Variants in COP1 observed in about 807,000 individuals in gnomAD.
The protein encoded by COP1 is COP1 E3 ubiquitin ligase.
In COP1, 24 loss-of-function variants were observed where a neutral mutation model predicts 101.3. The observed-to-expected ratio is 0.24, with a 90% confidence interval of 0.17 to 0.33. The LOEUF is 0.33. COP1 is among the 10% of genes least tolerant of loss of function. COP1 has a pLI of 1.00. For synonymous variants in COP1, 347 were observed against 341.9 expected (o/e 1.01, Z -0.17); for missense variants, 663 against 906.2 (o/e 0.73, Z 3.45).
At chr1:176,092,381 T>C (rs1681490250) in intron 9 of COP1, among the ~76,000 whole-genome samples, 1 of 152,140 alleles carries the variant, frequency 6.6e-6, no homozygotes, top group South Asian at 2.1e-4. Flanking sequence ...ATAAAAATTA[T>C]AAATTGCATG....
intron 15 of COP1, among the ~76,000 whole-genome samples, chr1:176,012,671 T>A (rs879372978): frequency 1.3e-4 from 20 of 150,580 alleles, no homozygotes; most frequent in South Asian, 6.3e-4. Context: ...AGGTGTACCA[T>A]TTTTTTTTTA....
chr1:176,152,254 T>C (rs980343855), intron 5 of COP1, among the ~76,000 whole-genome samples: 2 of 151,326 alleles, frequency 1.3e-5, no homozygotes, highest in Non-Finnish European at 2.9e-5. Flanking sequence ...AGCGAGACCT[T>C]CTCTCTCCTA....
At chr1:176,149,124 AAGTTTT>A in intron 5 of COP1, 50 bp from the exon 6 acceptor site, 1 of 1,240,842 alleles carries the variant, frequency 8.1e-7, no homozygotes, top group East Asian at 2.6e-5. Flanking sequence ...ACTGAGTTGA[AAGTTTT>A]CTTTAACACC....
chr1:176,108,236 C>T (rs1180404654), intron 9 of COP1, among the ~76,000 whole-genome samples: 4 of 152,076 alleles, frequency 2.6e-5, no homozygotes, highest in Admixed American at 2.6e-4. Context: ...AAAGTTCATA[C>T]ATTTCTGGCT....
chr1:176,195,847 A>C (rs1166016702), intron 1 of COP1, among the ~76,000 whole-genome samples: 1 of 152,220 alleles, frequency 6.6e-6, no homozygotes, highest in Admixed American at 6.5e-5. Flanking sequence ...GTACACACAG[A>C]CACAAAGATG....
chr1:176,184,700 G>C lies in COP1; in HGVS notation c.408-8C>G. The C allele has an allele frequency of 6.3e-7, 1 of 1,590,782 alleles. No homozygotes were observed. The highest frequency in any genetic ancestry group is 8.6e-7 in the Non-Finnish European group (1 of 1,167,746). On this transcript the variant is annotated splice_region_variant and splice_polypyrimidine_tract_variant and intron_variant, in intron 1 of 19. Coordinates refer to ENST00000367669, the MANE Select transcript of COP1 (RefSeq NM_022457.7). ...ATATCAAAGCAGATGGGGCTAAAAA[G>C]AAAAGAAAAATAATTGATTTTTTTT...
intron 3 of COP1, among the ~76,000 whole-genome samples, chr1:176,169,634 T>C (rs1376291573): frequency 6.6e-6 from 1 of 152,212 alleles, no homozygotes; most frequent in East Asian, 1.9e-4. Flanking sequence ...TGCTAAAAAA[T>C]GCTAATGACC....
chr1:176,097,322 C>A (rs1041955746), intron 9 of COP1, among the ~76,000 whole-genome samples: 1 of 152,054 alleles, frequency 6.6e-6, no homozygotes, highest in African/African-American at 2.4e-5. Context: ...TCATGGAACA[C>A]CAGTAATTAA....
chr1:176,153,710 T>G (rs1692989651), intron 5 of COP1, among the ~76,000 whole-genome samples: 1 of 152,214 alleles, frequency 6.6e-6, no homozygotes, highest in African/African-American at 2.4e-5. Flanking sequence ...CATTTAATGA[T>G]GTTGGCTGTG....
At chr1:176,202,427 A>T (rs1177976725) in intron 1 of COP1, among the ~76,000 whole-genome samples, 1 of 151,918 alleles carries the variant, frequency 6.6e-6, no homozygotes, top group Non-Finnish European at 1.5e-5. Context: ...GGGTTCAAGT[A>T]ATCCTCCTGC....
At chr1:176,166,157 G>A (rs910725372) in intron 3 of COP1, among the ~76,000 whole-genome samples, 4 of 152,006 alleles carry the variant, frequency 2.6e-5, no homozygotes, top group Non-Finnish European at 4.4e-5. Context: ...GACAGGGTGT[G>A]ACTCTGTCAC....
At chr1:176,189,719 G>A (rs1030051843) in intron 1 of COP1, among the ~76,000 whole-genome samples, 1 of 150,098 alleles carries the variant, frequency 6.7e-6, no homozygotes, top group African/African-American at 2.4e-5. Flanking sequence ...TAAAAAATGA[G>A]AAACAAAGGT....
chr1:175,986,663 T>C (rs1167156463), intron 18 of COP1, among the ~76,000 whole-genome samples: 1 of 152,130 alleles, frequency 6.6e-6, no homozygotes. Context: ...TTTCCAGTCT[T>C]ATAGAAGAGA....
rs1032700670 is a variant in COP1 at position 175,998,315 on chromosome 1, G to T, written c.1730-8836C>A. 8.6e-4 allele frequency among the ~76,000 whole-genome samples: 130 copies of T among 151,182 alleles called. 2 individuals are homozygous for T. The highest frequency in any genetic ancestry group is 2.7e-3 in the African/African-American group (110 of 41,242). On this transcript the variant is annotated intron_variant, in intron 15 of 19. Transcript: ENST00000367669. ...ATCACACTCTGGGGACTGTTGTGGG[G>T]TGGGGGGAGAGGGGAGGGATAGCTT...
chr1:176,191,404 A>G, intron 1 of COP1, among the ~76,000 whole-genome samples: 1 of 152,026 alleles, frequency 6.6e-6, no homozygotes, highest in Non-Finnish European at 1.5e-5. Flanking sequence ...AGAATGAAAG[A>G]CGCCCAGCAA....
chr1:176,163,038 T>C (rs761488996), intron 4 of COP1, 50 bp from the exon 5 acceptor site: 3 of 1,552,184 alleles, frequency 1.9e-6, no homozygotes, highest in Non-Finnish European at 1.7e-6. Context: ...AAGACTGTTT[T>C]AGAGACTAAA....
intron 16 of COP1, chr1:175,988,683 A>C: frequency 7.8e-6 from 2 of 257,540 alleles, no homozygotes; most frequent in East Asian, 7.4e-5. Flanking sequence ...AAATACAAAA[A>C]TTAGTCGGGC....
intron 18 of COP1, among the ~76,000 whole-genome samples, chr1:175,953,814 A>C (rs1650269440): frequency 6.6e-6 from 1 of 151,980 alleles, no homozygotes; most frequent in Non-Finnish European, 1.5e-5. Flanking sequence ...ACAAAGCCAA[A>C]ACTGACAAAA....
At chr1:176,058,061 G>GCCACC (rs1673988288) in intron 11 of COP1, among the ~76,000 whole-genome samples, 6 of 134,098 alleles carry the variant, frequency 4.5e-5, no homozygotes, top group Non-Finnish European at 8.2e-5. Context: ...CCGCCCGGCA[G>GCCACC]CCGCCCCGGC....
Sources: gnomAD v4.1 joint callset for allele counts (sites outside exome capture counted in the v4.1 genomes callset) on GRCh38, gnomAD v4.1.1 for gene constraint, MANE v1.5 for transcripts, NCBI Gene and HGNC (gene_info 2026-07-23, HGNC 2026-07-21) for gene names.